Variants in SLC4A4 observed in about 807,000 individuals in gnomAD.
SLC4A4 encodes the protein electrogenic sodium bicarbonate cotransporter 1.
Under a neutral mutation model 111.5 loss-of-function variants are expected in SLC4A4, and 27 were observed. The observed-to-expected ratio is 0.24, with a 90% confidence interval of 0.18 to 0.33. The LOEUF (loss-of-function observed/expected upper bound fraction) is 0.33. Among genes scored for constraint, SLC4A4 ranks in the 10% least tolerant of loss-of-function variants. The pLI is 1.00. For synonymous variants in SLC4A4, 443 were observed against 463.4 expected (o/e 0.96, Z 0.57); for missense variants, 909 against 1,315.5 (o/e 0.69, Z 4.78).
intron 16 of SLC4A4, among the ~76,000 whole-genome samples, chr4:71,523,679 A>G (rs751490746): frequency 2.6e-4 from 40 of 152,264 alleles, no homozygotes; most frequent in Non-Finnish European, 3.8e-4. Flanking sequence ...CTGCACTAAC[A>G]CAAAATGGTC....
intron 14 of SLC4A4, among the ~76,000 whole-genome samples, chr4:71,482,580 C>T (rs952194031): frequency 6.6e-6 from 1 of 151,512 alleles, no homozygotes; most frequent in African/African-American, 2.4e-5. Context: ...TGTTTTTATG[C>T]AGAAAAGTGT....
At chr4:71,535,874 C>CA (rs1560597063) in intron 18 of SLC4A4, among the ~76,000 whole-genome samples, 14 of 88,436 alleles carry the variant, frequency 1.6e-4, no homozygotes, top group African/African-American at 4.7e-4. Flanking sequence ...ACAAACAAAC[C>CA]AACAAAAAAA....
At chr4:71,100,958 C>T (rs116817950) in intron 2 of SLC4A4, among the ~76,000 whole-genome samples, 2,123 of 152,208 alleles carry the variant, frequency 0.014, 63 homozygotes, top group African/African-American at 0.048. Flanking sequence ...CACAGTCAAA[C>T]GGAAAAACAT....
intron 3 of SLC4A4, among the ~76,000 whole-genome samples, chr4:71,281,195 A>T (rs1723486119): frequency 6.6e-6 from 1 of 152,224 alleles, no homozygotes; most frequent in African/African-American, 2.4e-5. Flanking sequence ...ATCACAAAGC[A>T]GATGCTAGAC....
intron 2 of SLC4A4, among the ~76,000 whole-genome samples, chr4:71,149,177 G>A (rs1161751356): frequency 6.6e-6 from 1 of 152,100 alleles, no homozygotes; most frequent in African/African-American, 2.4e-5. Flanking sequence ...TGTACTCAGT[G>A]AGTTTAATTA....
intron 11 of SLC4A4, 122 bp downstream of exon 11, chr4:71,451,423 T>C: frequency 1.4e-6 from 1 of 733,824 alleles, no homozygotes; most frequent in South Asian, 1.5e-5. Context: ...ATTTATGGTA[T>C]ACCTATTTGT....
At chr4:71,415,700 G>A (rs1721764875) in intron 7 of SLC4A4, among the ~76,000 whole-genome samples, 1 of 152,180 alleles carries the variant, frequency 6.6e-6, no homozygotes, top group Admixed American at 6.5e-5. Flanking sequence ...CTCGTGTTGT[G>A]TGTCATGCTG....
At chr4:71,364,479 A>G (rs181822666) in intron 6 of SLC4A4, among the ~76,000 whole-genome samples, 1 of 152,300 alleles carries the variant, frequency 6.6e-6, no homozygotes, top group East Asian at 1.9e-4. Context: ...ATTGCTCACA[A>G]TTCTGGAGGC....
At chr4:71,557,111 G>C (rs1252128501) in intron 21 of SLC4A4, among the ~76,000 whole-genome samples, 1 of 151,920 alleles carries the variant, frequency 6.6e-6, no homozygotes, top group Non-Finnish European at 1.5e-5. Flanking sequence ...ACTCACTGTA[G>C]TATTCATATG....
intron 2 of SLC4A4, among the ~76,000 whole-genome samples, chr4:71,102,630 A>G (rs1208859257): frequency 7.3e-5 from 11 of 151,490 alleles, no homozygotes; most frequent in Admixed American, 5.9e-4. Flanking sequence ...ATTCTTAAAG[A>G]AAAGAATTTT....
rs1015215352 is a variant in SLC4A4 at position 71,284,797 on chromosome 4, T to C, written c.253+29398T>C. ...TCTTTTCTTTTATATATCTGTATTC[T>C]TACATTTTGGGTTCTGCTGATTATT... On this transcript the variant is annotated intron_variant, in intron 3 of 25. Transcript: ENST00000264485. 7.9e-5 allele frequency among the ~76,000 whole-genome samples: 12 copies of C among 152,330 alleles called. No individual in the cohort carries two copies. The East Asian group carries it at 1.3e-3, about 17-fold the overall frequency.
chr4:71,466,954 A>AC (rs1387304831), intron 13 of SLC4A4, among the ~76,000 whole-genome samples: 3 of 121,304 alleles, frequency 2.5e-5, no homozygotes, highest in African/African-American at 1.1e-4. Flanking sequence ...AGAGAGAGAG[A>AC]GAGAGAGAGA....
chr4:71,111,571 G>T (rs1743090264), intron 2 of SLC4A4, among the ~76,000 whole-genome samples: 2 of 144,026 alleles, frequency 1.4e-5, no homozygotes, highest in South Asian at 4.5e-4. Flanking sequence ...AGTAGAGATG[G>T]GGGTTTCACC....
intron 3 of SLC4A4, among the ~76,000 whole-genome samples, chr4:71,296,630 G>A (rs1238731960): frequency 6.6e-6 from 1 of 152,064 alleles, no homozygotes; most frequent in East Asian, 1.9e-4. Context: ...ATGATTTGAT[G>A]ATTTCTACTA....
In SLC4A4 at chr4:71,451,247, G is replaced by C. The variant is rs1329166985; in HGVS notation, c.1268G>C (p.Gly423Ala). The C allele has an allele frequency of 6.2e-7, 1 of 1,613,542 alleles. No individual in the cohort carries two copies. Among genetic ancestry groups the C allele is most frequent in the African/African-American group, 1.3e-5 (1 of 74,922 alleles). ...ATGAATGGGGATACGCCCCATGATGGAGGTCACGGAGGAGGAGGACATGGG... is the reference window on the plus strand; with the variant it reads ...ATGAATGGGGATACGCCCCATGATGCAGGTCACGGAGGAGGAGGACATGGG... ...VQMNGDTPHD[G>A]GHGGGGHGDC... The change falls in exon 11 of 26, where the codon GGA (glycine) becomes GCA (alanine). Residue 423 changes from glycine to alanine, a missense_variant. Gly to Ala is a moderately conservative substitution (Grantham distance 60). Coordinates refer to ENST00000264485, the MANE Select transcript of SLC4A4 (RefSeq NM_001098484.3).
intron 16 of SLC4A4, among the ~76,000 whole-genome samples, chr4:71,499,279 T>C (rs915389316): frequency 6.6e-6 from 1 of 152,136 alleles, no homozygotes; most frequent in African/African-American, 2.4e-5. Context: ...AGTTTCAACT[T>C]TGAGATGAAT....
At chr4:71,187,598 G>T (rs995028090) in intron 1 of SLC4A4, among the ~76,000 whole-genome samples, 197 bp downstream of exon 1, 3 of 152,200 alleles carry the variant, frequency 2.0e-5, no homozygotes, top group Admixed American at 1.3e-4. Flanking sequence ...GGCTGCTTCC[G>T]CGGAAAAGTA....
rs528481471 is a variant in SLC4A4 at position 71,315,124 on chromosome 4, T to C, written c.254-24246T>C. On this transcript the variant is annotated intron_variant, in intron 3 of 25. Transcript: ENST00000264485. ...TCAAGCTGAACAGTAACTATCTGAA[T>C]CTTGAGAGACTGGAAATTTGGCTGA... is the stretch of plus-strand genomic sequence containing the variant. Among the ~76,000 whole-genome samples the C allele has an allele frequency of 4.6e-5, 7 of 152,260 alleles. No individual in the cohort carries two copies. The South Asian group carries it at 1.5e-3, about 32-fold the overall frequency.
chr4:71,397,219 A>G (rs1441719698), intron 6 of SLC4A4, among the ~76,000 whole-genome samples: 1 of 152,184 alleles, frequency 6.6e-6, no homozygotes, highest in African/African-American at 2.4e-5. Flanking sequence ...CAGGAAAAGG[A>G]AAGGAAACCA....
Sources: gnomAD v4.1 joint callset for allele counts (sites outside exome capture counted in the v4.1 genomes callset) on GRCh38, gnomAD v4.1.1 for gene constraint, MANE v1.5 for transcripts, NCBI Gene and HGNC (gene_info 2026-07-23, HGNC 2026-07-21) for gene names.